Variants in CCDC186 observed in about 807,000 individuals in gnomAD.
The protein encoded by CCDC186 is coiled-coil domain containing 186, also known as coiled-coil domain-containing protein 186.
CCDC186 carries 49 observed loss-of-function variants against 113.7 expected under a neutral mutation model. The ratio of observed to expected loss-of-function variants is 0.43; its 90% CI spans 0.34 to 0.55. CCDC186 has a LOEUF of 0.55. Among genes scored for constraint, CCDC186 ranks in the 20% least tolerant of loss-of-function variants. The pLI is 0.02. For synonymous variants in CCDC186, 355 were observed against 345.8 expected (o/e 1.03, Z -0.30); for missense variants, 890 against 1,011.1 (o/e 0.88, Z 1.62).
At chr10:114,158,410 AG>A (rs1292715013) in intron 2 of CCDC186, among the ~76,000 whole-genome samples, 1 of 152,216 alleles carries the variant, frequency 6.6e-6, no homozygotes, top group Admixed American at 6.5e-5. Context: ...CAAGTACTCT[AG>A]GACTAATTAG....
At chr10:114,136,496 C>A (rs2031267060) in intron 7 of CCDC186, among the ~76,000 whole-genome samples, 1 of 152,090 alleles carries the variant, frequency 6.6e-6, no homozygotes. Flanking sequence ...GCAAGCTGCA[C>A]TTTTTTTCTA....
At chr10:114,165,003 G>A (rs1200251280) in intron 1 of CCDC186, among the ~76,000 whole-genome samples, 1 of 152,154 alleles carries the variant, frequency 6.6e-6, no homozygotes, top group Non-Finnish European at 1.5e-5. Flanking sequence ...GCACAGAAAT[G>A]GTAACACTAG....
intron 4 of CCDC186, among the ~76,000 whole-genome samples, chr10:114,149,006 A>G (rs1430278224): frequency 6.6e-6 from 1 of 152,246 alleles, no homozygotes; most frequent in African/African-American, 2.4e-5. Context: ...TCATTTTACT[A>G]ATCTTTCATC....
rs1300293248 is a variant in CCDC186, at chr10:114,163,340, GA to G, written c.-61-12del. 6.5e-7 allele frequency: 1 copy of G among 1,531,258 alleles called. No homozygotes were observed. Among genetic ancestry groups the G allele is most frequent in the Admixed American group, 2.2e-5 (1 of 45,638 alleles). The allele number at this position is 1,531,258 out of a possible 1,614,324, so 94.9% of individuals were successfully genotyped here. On this transcript the variant is annotated splice_polypyrimidine_tract_variant and intron_variant, in intron 1 of 15. Coordinates refer to ENST00000369287, the MANE Select transcript of CCDC186 (RefSeq NM_018017.4). ...ATCTTCGTTTTACATCTAAGAAATT[GA>G]AACATCAAAATTAAAAACCACTTTA...
At position 114,127,563 on chromosome 10, in the gene CCDC186, C is replaced by T; in HGVS notation, c.2291G>A (p.Arg764Lys). ...ATGTGCTTTTTGCAGCCTAACTATT[C>T]TCTCAATCAACATGGCCTTATCTAC... ...PQVDKAMLIE[R>K]IVRLQKAHAR... The change falls in exon 14 of 16, where the codon AGA becomes AAA. Residue 764 changes from arginine to lysine, a missense_variant. Transcript: ENST00000369287. 1 of 1,613,988 alleles carries T rather than the reference C, an allele frequency of 6.2e-7. No homozygotes were observed. The highest frequency in any genetic ancestry group is 2.2e-5 in the East Asian group (1 of 44,870).
intron 2 of CCDC186, among the ~76,000 whole-genome samples, chr10:114,158,297 A>G (rs2032069347): frequency 6.6e-6 from 1 of 152,250 alleles, no homozygotes; most frequent in Non-Finnish European, 1.5e-5. Context: ...AATAAAATCT[A>G]AGCAGAAATA....
At chr10:114,149,940 T>C (rs540958736) in intron 4 of CCDC186, among the ~76,000 whole-genome samples, 160 of 152,274 alleles carry the variant, frequency 1.1e-3, no homozygotes, top group African/African-American at 3.6e-3. Flanking sequence ...AACCAGTTAC[T>C]TCTTAAGCTC....
chr10:114,136,838 G>C (rs893599179), intron 7 of CCDC186, among the ~76,000 whole-genome samples: 1 of 152,162 alleles, frequency 6.6e-6, no homozygotes, highest in African/African-American at 2.4e-5. Context: ...AAGAGAACTG[G>C]CTAGGCACAG....
chr10:114,127,055 C>A (rs779140257), intron 14 of CCDC186, among the ~76,000 whole-genome samples: 6 of 152,156 alleles, frequency 3.9e-5, no homozygotes, highest in African/African-American at 4.8e-5. Context: ...CGCCAAGCCA[C>A]AGGCACAGCG....
intron 4 of CCDC186, among the ~76,000 whole-genome samples, chr10:114,148,916 A>G (rs920232922): frequency 3.9e-5 from 6 of 152,260 alleles, no homozygotes; most frequent in African/African-American, 1.4e-4. Flanking sequence ...GCACATGAAC[A>G]TGGGTAAACA....
intron 11 of CCDC186, among the ~76,000 whole-genome samples, chr10:114,131,578 G>A (rs574950444): frequency 6.6e-6 from 1 of 151,934 alleles, no homozygotes; most frequent in Non-Finnish European, 1.5e-5. Context: ...TTGAATTTTT[G>A]GACTAAAGTC....
Position 114,163,085 on chromosome 10 carries a change from G to A in CCDC186, c.184C>T (p.Arg62Ter). ...TLCQPNEHNNRIEAQENYIPD... is the reference protein window; with the variant it reads ...TLCQPNEHNN ...ATATAATTTTCCTGGGCTTCAATTC[G>A]ATTATTATGCTCATTAGGTTGACAT... Residue 62 changes from arginine to a stop codon, truncating the protein, a stop_gained, in exon 2 of 16, where the codon CGA becomes TGA. Transcript: ENST00000369287. LOFTEE classifies it high-confidence loss of function. 1.9e-6 allele frequency: 3 copies of A among 1,614,008 alleles called. No homozygotes were observed. Among genetic ancestry groups the A allele is most frequent in the Non-Finnish European group, 2.5e-6 (3 of 1,179,976 alleles).
In CCDC186 at chr10:114,135,873, G is replaced by A; in HGVS notation, c.1512+18C>T. ...ATATTTACCCTTCCTCTGGATTCAT[G>A]ACTAAAGACTGAATTACCTTTGTTC... On this transcript the variant is annotated intron_variant, in intron 9 of 15. Transcript: ENST00000369287. The A allele has an allele frequency of 1.3e-6, 2 of 1,563,088 alleles. No individual in the cohort carries two copies. Among genetic ancestry groups the A allele is most frequent in the African/African-American group, 1.4e-5 (1 of 73,750 alleles).
intron 3 of CCDC186, among the ~76,000 whole-genome samples, chr10:114,155,989 A>C (rs1012723951): frequency 6.0e-5 from 9 of 150,814 alleles, no homozygotes; most frequent in South Asian, 4.2e-4. Context: ...ACAACAACAA[A>C]AAAAGCCCAC....
chr10:114,143,787 T>A (rs982412539), intron 6 of CCDC186, among the ~76,000 whole-genome samples: 1 of 152,230 alleles, frequency 6.6e-6, no homozygotes, highest in East Asian at 1.9e-4. Flanking sequence ...TGTGAAAACC[T>A]GGAAACTGAT....
chr10:114,155,269 T>C lies in CCDC186; in HGVS notation c.759+2285A>G, dbSNP rs940514124. Among the ~76,000 whole-genome samples, 24 of 152,342 alleles carry C rather than the reference T, an allele frequency of 1.6e-4. 1 individual carries two copies. The highest frequency in any genetic ancestry group is 5.8e-4 in the African/African-American group (24 of 41,564). On this transcript the variant is annotated intron_variant, in intron 3 of 15. Transcript: ENST00000369287. ...AAACCTGTTGAAAAAGACCTAAATC[T>C]TATAGTACACATATACTAATTTTCC...
At chr10:114,153,743 G>A (rs1376745869) in intron 3 of CCDC186, among the ~76,000 whole-genome samples, 10 of 145,520 alleles carry the variant, frequency 6.9e-5, no homozygotes, top group African/African-American at 2.6e-4. Flanking sequence ...CCAAGATCAC[G>A]CCACTGCACT....
At chr10:114,144,822 A>G (rs1290762316) in intron 5 of CCDC186, among the ~76,000 whole-genome samples, 4 of 152,180 alleles carry the variant, frequency 2.6e-5, no homozygotes, top group African/African-American at 9.6e-5. Context: ...AAGATGATTT[A>G]CATTTACATT....
chr10:114,127,752 C>T (rs769701314), intron 13 of CCDC186, 81 bp from the exon 14 acceptor site: 1 of 1,213,410 alleles, frequency 8.2e-7, no homozygotes, highest in Non-Finnish European at 1.2e-6. Flanking sequence ...ATTCCAGCAT[C>T]ATTTCAAATA....
Sources: allele counts gnomAD v4.1 joint callset (sites outside exome capture counted in the v4.1 genomes callset), GRCh38; gene constraint gnomAD v4.1.1; transcripts MANE v1.5; gene names NCBI Gene and HGNC (gene_info 2026-07-23, HGNC 2026-07-21).